TXNRD3: variants seen among roughly 807,000 people sequenced by gnomAD.
TXNRD3 encodes the protein thioredoxin reductase 3, also known as TXNRD3 neighbor gene protein.
TXNRD3 carries 68 observed loss-of-function variants against 78.2 expected under a neutral mutation model. The observed-to-expected ratio is 0.87, with a 90% CI of 0.72 to 1.06. TXNRD3 has a LOEUF of 1.06. Ranked by LOEUF, TXNRD3 falls within the 50% of genes least tolerant of loss-of-function variation. The pLI, the probability that TXNRD3 is intolerant of heterozygous loss-of-function variation, is 0.00. For missense variants in TXNRD3, 751 were observed against 809.5 expected (o/e 0.93, Z 0.88); for synonymous variants, 296 against 300.1 (o/e 0.99, Z 0.14).
chr3:126,634,385 A>G (rs903290895), intron 6 of TXNRD3, among the ~76,000 whole-genome samples: 1 of 151,964 alleles, frequency 6.6e-6, no homozygotes, highest in African/African-American at 2.4e-5. Flanking sequence ...ACCCTTTCCC[A>G]CTCCATGGGA....
rs1933472258 is a variant in TXNRD3 at position 126,654,772 on chromosome 3, C to G, written c.219G>C (p.Lys73Asn). 2 of 1,422,620 alleles carry G rather than the reference C, an allele frequency of 1.4e-6. No homozygotes were observed. The highest frequency in any genetic ancestry group is 1.8e-6 in the Non-Finnish European group (2 of 1,088,290). The allele number at this position is 1,422,620 out of a possible 1,614,324, so 88.1% of individuals were successfully genotyped here. A position where few individuals can be genotyped will look rare whatever the true frequency, so the allele number is the denominator to read the frequency against. ...CCCGAGTACTATGGGGACAGTAGCTCTTGCTGAAGATCACCACCCGGCTGC... is the reference window on the plus strand; with the variant it reads ...CCCGAGTACTATGGGGACAGTAGCTGTTGCTGAAGATCACCACCCGGCTGC... The change falls in exon 1 of 16, where the codon AAG becomes AAC. Residue 73 changes from lysine to asparagine, a missense_variant. Physicochemically the swap from Lys to Asn is moderately conservative, Grantham distance 94 (BLOSUM62 0). Transcript: ENST00000524230.
rs1237207910 is a variant in TXNRD3 at position 126,640,173 on chromosome 3, C to T, written c.712+1859G>A. Among the ~76,000 whole-genome samples the T allele has an allele frequency of 1.0e-4, 4 of 38,296 alleles. 1 individual carries two copies. The highest frequency in any genetic ancestry group is 1.7e-4 in the African/African-American group (3 of 17,776). 25.1% of individuals were successfully genotyped at this position (38,296 alleles called of 152,430 possible). ...AGGCTGGAGTGCAGTGGCGCGATCT[C>T]GGCTCACTGCAAGCTCCGCCTCCCG... On this transcript the variant is annotated intron_variant, in intron 6 of 15. Coordinates refer to ENST00000524230, the MANE Select transcript of TXNRD3 (RefSeq NM_052883.3).
chr3:126,620,560 G>C (rs1350095815), intron 12 of TXNRD3, among the ~76,000 whole-genome samples: 2 of 152,162 alleles, frequency 1.3e-5, no homozygotes, highest in Non-Finnish European at 2.9e-5. Context: ...CAGAAAAGGA[G>C]AGACAGAACA....
In TXNRD3 at chr3:126,647,243, A is replaced by G. The variant is rs1171846604; in HGVS notation, c.297T>C (p.Asp99=). The G allele has an allele frequency of 2.0e-5, 30 of 1,535,068 alleles. 1 individual carries two copies. The highest frequency in any genetic ancestry group is 2.4e-5 in the Non-Finnish European group (27 of 1,146,588). ...TGTAACTGGTCTACTTACCAACTTGATCAAGTTCCAAGACATTACATTCGA... is the reference window on the plus strand; with the variant it reads ...TGTAACTGGTCTACTTACCAACTTGGTCAAGTTCCAAGACATTACATTCGA... Residue 99 remains aspartate, a synonymous_variant, in exon 2 of 16, where the codon GAT becomes GAC. Coordinates refer to ENST00000524230, the MANE Select transcript of TXNRD3 (RefSeq NM_052883.3).
At chr3:126,624,576 A>C (rs1938533658) in intron 10 of TXNRD3, among the ~76,000 whole-genome samples, 1 of 151,982 alleles carries the variant, frequency 6.6e-6, no homozygotes, top group Non-Finnish European at 1.5e-5. Flanking sequence ...GCCCGCCACC[A>C]TGACCGGCTA....
rs368747788 is a variant in TXNRD3 at position 126,622,750 on chromosome 3, T to C, written c.1291-210A>G. On this transcript the variant is annotated intron_variant, in intron 10 of 15. Coordinates refer to ENST00000524230, the MANE Select transcript of TXNRD3 (RefSeq NM_052883.3). The stretch of plus-strand genomic sequence containing the variant: ...AGTCTGAAAAGTCTACAGGCTAAAT[T>C]ATGTCCCTTCAAAATTCATATGCTG... 1.6e-4 allele frequency among the ~76,000 whole-genome samples: 24 copies of C among 152,324 alleles called. 1 individual carries two copies. The South Asian group carries it at 1.7e-3, about 11-fold the overall frequency.
At chr3:126,608,807 A>C (rs1938124218) in intron 14 of TXNRD3, among the ~76,000 whole-genome samples, 174 bp from the exon 15 acceptor site, 1 of 152,232 alleles carries the variant, frequency 6.6e-6, no homozygotes, top group Non-Finnish European at 1.5e-5. Context: ...AGAATCTGTT[A>C]AATGAGCCAG....
intron 1 of TXNRD3, 95 bp from the exon 2 acceptor site, chr3:126,647,391 C>CCTCCAGAACATTTAT: frequency 1.1e-6 from 1 of 931,824 alleles, no homozygotes; most frequent in Non-Finnish European, 1.6e-6. Context: ...AATAAATGTT[C>CCTCCAGAACATTTAT]TGGAGGAACA....
intron 10 of TXNRD3, chr3:126,624,731 A>C (rs919925464): frequency 1.3e-5 from 2 of 153,642 alleles, no homozygotes; most frequent in African/African-American, 4.8e-5. Flanking sequence ...GCAATTCAAT[A>C]AAGAAAGGGA....
intron 6 of TXNRD3, among the ~76,000 whole-genome samples, chr3:126,635,263 G>C (rs748350579): frequency 1.9e-4 from 29 of 152,098 alleles, no homozygotes; most frequent in Non-Finnish European, 4.0e-4. Context: ...GTTGCAAAAG[G>C]CATCTTAGAT....
chr3:126,625,276 G>A (rs1938552789), intron 10 of TXNRD3: 1 of 148,842 alleles, frequency 6.7e-6, no homozygotes, highest in South Asian at 2.2e-4. Context: ...TTTAACATTA[G>A]GTATATCTCC....
At position 126,630,938 on chromosome 3, in the gene TXNRD3, C is replaced by T; in HGVS notation, c.972-1G>A. The T allele has an allele frequency of 6.5e-7, 1 of 1,531,496 alleles. No homozygotes were observed. The highest frequency in any genetic ancestry group is 2.4e-5 in the East Asian group (1 of 40,878). 94.9% of individuals were successfully genotyped at this position (1,531,496 alleles called of 1,614,324 possible). On this transcript the variant is annotated splice_acceptor_variant, in intron 8 of 15. Transcript: ENST00000524230. LOFTEE classifies it high-confidence loss of function. ...ATAAGGCAGAGAAAAAAGGTCATCA[C>T]TGAAAAATAAAAATTAAAAAAAGAA...
chr3:126,631,685 A>T, intron 8 of TXNRD3, 79 bp downstream of exon 8: 2 of 871,826 alleles, frequency 2.3e-6, no homozygotes, highest in Non-Finnish European at 3.6e-6. Flanking sequence ...TTGTGGAATA[A>T]GACAGGAAGT....
chr3:126,633,832 C>G (rs774610762), intron 7 of TXNRD3, 77 bp downstream of exon 7: 5 of 1,263,182 alleles, frequency 4.0e-6, no homozygotes, highest in Non-Finnish European at 3.1e-6. Flanking sequence ...TAACATGCAA[C>G]ATGAAATTTT....
intron 6 of TXNRD3, among the ~76,000 whole-genome samples, chr3:126,641,322 C>A (rs770654463): frequency 3.9e-5 from 6 of 152,120 alleles, no homozygotes; most frequent in Non-Finnish European, 8.8e-5. Context: ...ACTCTTCACT[C>A]CAGCCACTAT....
intron 10 of TXNRD3, among the ~76,000 whole-genome samples, chr3:126,624,222 C>G (rs1337232377): frequency 6.6e-6 from 1 of 152,134 alleles, no homozygotes; most frequent in Non-Finnish European, 1.5e-5. Flanking sequence ...TCCCAGCAGA[C>G]TTTTGTTTCT....
intron 7 of TXNRD3, among the ~76,000 whole-genome samples, 182 bp downstream of exon 7, chr3:126,633,727 T>C (rs573119850): frequency 1.3e-5 from 2 of 152,322 alleles, no homozygotes; most frequent in Admixed American, 1.3e-4. Context: ...TTCTTCAAGT[T>C]AACCAAACAT....
At chr3:126,642,205 T>C (rs1299604938) in intron 5 of TXNRD3, 54 bp from the exon 6 acceptor site, 12 of 1,492,738 alleles carry the variant, frequency 8.0e-6, no homozygotes, top group Admixed American at 2.3e-5. Flanking sequence ...TTCACACATC[T>C]GCAATCATAT....
Position 126,642,137 on chromosome 3 carries a change from A to G in TXNRD3, c.607T>C (p.Cys203Arg). ...TTAGGAATACAACCTACATTTACACAAGTGCCACCAAGACCTGAGGAAGAA... is the reference window on the plus strand; with the variant it reads ...TTAGGAATACAACCTACATTTACACGAGTGCCACCAAGACCTGAGGAAGAA... Residue 203 changes from cysteine to arginine, a missense_variant, in exon 6 of 16, where the codon TGT becomes CGT. Transcript: ENST00000524230. 1 of 1,535,288 alleles carries G rather than the reference A, an allele frequency of 6.5e-7. No individual in the cohort carries two copies. The highest frequency in any genetic ancestry group is 8.7e-7 in the Non-Finnish European group (1 of 1,146,596).
Sources: allele counts gnomAD v4.1 joint callset (sites outside exome capture counted in the v4.1 genomes callset), GRCh38; gene constraint gnomAD v4.1.1; transcripts MANE v1.5; gene names NCBI Gene and HGNC (gene_info 2026-07-23, HGNC 2026-07-21).